MSI2: variants seen among roughly 807,000 people sequenced by gnomAD.
MSI2 encodes RNA-binding protein Musashi homolog 2.
Under a neutral mutation model 45.6 loss-of-function variants are expected in MSI2, and 17 were observed. The ratio of observed to expected loss-of-function variants is 0.37; its 90% confidence interval spans 0.26 to 0.56. The LOEUF (loss-of-function observed/expected upper bound fraction) is 0.56, where lower values mean the gene tolerates loss of function less well. Among genes scored for constraint, MSI2 ranks in the 20% least tolerant of loss-of-function variants. The probability of loss-of-function intolerance (pLI) is 0.77; values close to 1 mark genes in which losing one functional copy is unlikely to be tolerated. For missense variants in MSI2, 293 were observed against 444.2 expected (o/e 0.66, Z 3.06); for synonymous variants, 156 against 158.2 (o/e 0.99, Z 0.11).
At chr17:57,296,355 C>A (rs1910955258) in intron 5 of MSI2, among the ~76,000 whole-genome samples, 1 of 152,132 alleles carries the variant, frequency 6.6e-6, no homozygotes, top group African/African-American at 2.4e-5. Context: ...CTGCAATTAA[C>A]ATAAATTACT....
intron 6 of MSI2, among the ~76,000 whole-genome samples, chr17:57,502,235 C>T (rs1368775154): frequency 6.6e-6 from 1 of 152,126 alleles, no homozygotes; most frequent in Non-Finnish European, 1.5e-5. Context: ...TCACACTTGG[C>T]ACCTGGTTCT....
At chr17:57,412,033 A>G (rs148122269) in intron 6 of MSI2, among the ~76,000 whole-genome samples, 101 of 151,638 alleles carry the variant, frequency 6.7e-4, no homozygotes, top group African/African-American at 2.3e-3. Context: ...AAGAATTACT[A>G]TGGTACCTCT....
intron 9 of MSI2, among the ~76,000 whole-genome samples, chr17:57,623,490 G>C (rs556964204): frequency 6.6e-6 from 1 of 152,348 alleles, no homozygotes; most frequent in African/African-American, 2.4e-5. Flanking sequence ...AATGAGCTCA[G>C]TGGCAAATCC....
intron 7 of MSI2, among the ~76,000 whole-genome samples, chr17:57,549,509 A>G (rs1277185147): frequency 2.0e-5 from 3 of 151,998 alleles, no homozygotes; most frequent in Non-Finnish European, 2.9e-5. Context: ...CCTTCACCCT[A>G]TCCTCAGCTA....
chr17:57,482,963 A>C (rs1162765298), intron 6 of MSI2, among the ~76,000 whole-genome samples: 1 of 152,230 alleles, frequency 6.6e-6, no homozygotes, highest in African/African-American at 2.4e-5. Context: ...CTGTGTGTGC[A>C]TGCTGGGAGG....
At chr17:57,606,955 G>A (rs939921161) in intron 8 of MSI2, among the ~76,000 whole-genome samples, 3 of 151,872 alleles carry the variant, frequency 2.0e-5, no homozygotes, top group Non-Finnish European at 2.9e-5. Context: ...TGAAGCTGGG[G>A]GTCTATGATT....
chr17:57,431,184 A>T (rs2084587654), intron 6 of MSI2, among the ~76,000 whole-genome samples: 1 of 152,182 alleles, frequency 6.6e-6, no homozygotes, highest in Non-Finnish European at 1.5e-5. Flanking sequence ...TAACTGGCAC[A>T]GATTCACAGG....
At chr17:57,670,445 G>C (rs1912697335) in intron 11 of MSI2, among the ~76,000 whole-genome samples, 1 of 152,212 alleles carries the variant, frequency 6.6e-6, no homozygotes, top group Admixed American at 6.5e-5. Context: ...ACAGGTGAGA[G>C]TCTAAGCCTG....
chr17:57,504,122 G>A (rs1598342468), intron 6 of MSI2, among the ~76,000 whole-genome samples: 1 of 152,058 alleles, frequency 6.6e-6, no homozygotes, highest in African/African-American at 2.4e-5. Flanking sequence ...TCTCCTCCAC[G>A]GATCCTCCTC....
chr17:57,604,589 C>T (rs764309324), intron 8 of MSI2, among the ~76,000 whole-genome samples: 5 of 152,154 alleles, frequency 3.3e-5, no homozygotes, highest in Non-Finnish European at 5.9e-5. Context: ...CACTCTTCAC[C>T]TGACTCATTC....
intron 6 of MSI2, among the ~76,000 whole-genome samples, chr17:57,461,556 CAT>C (rs2085229813): frequency 1.4e-5 from 2 of 141,222 alleles, no homozygotes; most frequent in East Asian, 2.1e-4. Context: ...TTTTTTGAGA[CAT>C]AGTCTCTTGC....
At chr17:57,451,444 G>A (rs1379206674) in intron 6 of MSI2, among the ~76,000 whole-genome samples, 1 of 152,216 alleles carries the variant, frequency 6.6e-6, no homozygotes, top group Non-Finnish European at 1.5e-5. Context: ...TGTTTCAGAA[G>A]CAACATGCTG....
chr17:57,659,261 T>C (rs1442802998), intron 11 of MSI2, among the ~76,000 whole-genome samples: 7 of 152,028 alleles, frequency 4.6e-5, no homozygotes, highest in Non-Finnish European at 2.9e-5. Context: ...TTTCTTTTTT[T>C]GTTTGTTTGT....
chr17:57,310,626 G>A (rs1021009966), intron 5 of MSI2, among the ~76,000 whole-genome samples: 24 of 152,308 alleles, frequency 1.6e-4, no homozygotes, highest in Admixed American at 1.1e-3. Context: ...GTGCTTGGCC[G>A]ACTGTGTCAT....
chr17:57,357,360 C>T (rs1004607295), intron 5 of MSI2, among the ~76,000 whole-genome samples: 2 of 152,120 alleles, frequency 1.3e-5, no homozygotes, highest in African/African-American at 4.8e-5. Flanking sequence ...GTGGGAAAAA[C>T]AACATTAGGA....
chr17:57,669,785 A>G (rs965595372), intron 11 of MSI2, among the ~76,000 whole-genome samples: 7 of 152,174 alleles, frequency 4.6e-5, no homozygotes, highest in African/African-American at 1.7e-4. Flanking sequence ...TCCCTTCTGA[A>G]TTGGACTTGG....
chr17:57,673,957 T>TC (rs1180741836), intron 11 of MSI2, among the ~76,000 whole-genome samples: 1 of 152,106 alleles, frequency 6.6e-6, no homozygotes, highest in Non-Finnish European at 1.5e-5. Context: ...CTTTTTTTTT[T>TC]TTAAACAAAA....
chr17:57,563,620 T>G (rs2087642348), intron 7 of MSI2, among the ~76,000 whole-genome samples: 1 of 152,096 alleles, frequency 6.6e-6, no homozygotes, highest in Admixed American at 6.6e-5. Flanking sequence ...CTCCAGTCCT[T>G]CCTAATGTGG....
downstream of MSI2, chr17:57,684,779 C>T (rs2144777208): frequency 6.6e-6 from 1 of 152,372 alleles, no homozygotes; most frequent in East Asian, 1.9e-4. Context: ...CATCAAATCG[C>T]ACCTGCCACC....
Sources: gnomAD v4.1 joint callset for allele counts (sites outside exome capture counted in the v4.1 genomes callset) on GRCh38, gnomAD v4.1.1 for gene constraint, MANE v1.5 for transcripts, NCBI Gene and HGNC (gene_info 2026-07-23, HGNC 2026-07-21) for gene names.